The following SEMA3D variants were observed in gnomAD, a reference collection of about 807,000 sequenced individuals.
SEMA3D encodes semaphorin-3D.
Under a neutral mutation model 100.1 loss-of-function variants are expected in SEMA3D, and 84 were observed. That is an observed-to-expected ratio of 0.84 (90% CI 0.70 to 1.01). The LOEUF (loss-of-function observed/expected upper bound fraction) is 1.01, where lower values mean the gene tolerates loss of function less well. Among genes scored for constraint, SEMA3D ranks in the 50% least tolerant of loss-of-function variants. The pLI is 0.00. For synonymous variants in SEMA3D, 312 were observed against 320.7 expected (o/e 0.97, Z 0.29); for missense variants, 875 against 934.1 (o/e 0.94, Z 0.82).
intron 4 of SEMA3D, among the ~76,000 whole-genome samples, chr7:85,090,136 T>G (rs1228808589): frequency 6.6e-6 from 1 of 152,152 alleles, no homozygotes; most frequent in Admixed American, 6.5e-5. Context: ...GGAACATTGC[T>G]TTTTCTTCCT....
chr7:85,111,729 A>C (rs1789101408), intron 3 of SEMA3D, among the ~76,000 whole-genome samples: 1 of 152,006 alleles, frequency 6.6e-6, no homozygotes, highest in Admixed American at 6.6e-5. Context: ...TTCCCATAAT[A>C]CTCAGACTAA....
intron 11 of SEMA3D, among the ~76,000 whole-genome samples, chr7:85,040,177 A>G (rs1205264813): frequency 2.6e-5 from 4 of 151,604 alleles, no homozygotes; most frequent in Non-Finnish European, 5.9e-5. Flanking sequence ...ACTGGGTCTC[A>G]CTATGTTGTC....
At chr7:85,209,782 A>G in the SEMA3D span, among the ~76,000 whole-genome samples, 3 of 152,118 alleles carry the variant, frequency 2.0e-5, no homozygotes, top group Admixed American at 1.3e-4. Context: ...CTTAAGCTTG[A>G]AACACTTTAT....
rs1789501584 is a variant in SEMA3D, at chr7:84,996,408, T to C, written c.*3032A>G. ...TAGCCAACAGAATGATGAGACTTTA[T>C]GAATTTTAATTCTTCCACTACTGTT... On this transcript the variant is annotated 3_prime_UTR_variant, in exon 19 of 19. Transcript: ENST00000284136. The C allele has an allele frequency of 6.6e-6, 1 of 152,180 alleles. No individual in the cohort carries two copies. The highest frequency in any genetic ancestry group is 2.4e-5 in the African/African-American group (1 of 41,590). The allele number at this position is 152,180 out of a possible 1,614,324, so 9.4% of individuals were successfully genotyped here.
chr7:85,038,470 G>A (rs1790765442), intron 11 of SEMA3D, among the ~76,000 whole-genome samples: 2 of 152,098 alleles, frequency 1.3e-5, no homozygotes, highest in African/African-American at 4.8e-5. Flanking sequence ...GTTGGACAAA[G>A]GATATGACAT....
chr7:85,170,043 A>T (rs570191663), intron 1 of SEMA3D, among the ~76,000 whole-genome samples: 43 of 151,984 alleles, frequency 2.8e-4, no homozygotes, highest in Middle Eastern at 6.8e-3. Context: ...GGTTTTTAAA[A>T]AATAGAATAG....
intron 10 of SEMA3D, among the ~76,000 whole-genome samples, 157 bp from the exon 11 acceptor site, chr7:85,040,899 T>C (rs1790842077): frequency 6.6e-6 from 1 of 152,178 alleles, no homozygotes; most frequent in African/African-American, 2.4e-5. Context: ...GATTGTTTTT[T>C]CTCAATGACT....
chr7:85,004,378 T>C (rs953630187), intron 18 of SEMA3D, among the ~76,000 whole-genome samples: 2 of 152,144 alleles, frequency 1.3e-5, no homozygotes, highest in Non-Finnish European at 2.9e-5. Context: ...TTTTTTAAAA[T>C]GTTATTAAAA....
At chr7:85,156,355 C>G (rs1194714180) in intron 1 of SEMA3D, among the ~76,000 whole-genome samples, 1 of 152,068 alleles carries the variant, frequency 6.6e-6, no homozygotes, top group Non-Finnish European at 1.5e-5. Flanking sequence ...CCCCTTCGGC[C>G]TTCCAAAGTG....
chr7:85,234,632 G>A, the SEMA3D span, among the ~76,000 whole-genome samples: 1 of 152,116 alleles, frequency 6.6e-6, no homozygotes, highest in Admixed American at 6.5e-5. Flanking sequence ...GGATTATAAA[G>A]TGAAAACTTT....
At chr7:85,156,284 G>A (rs1562838507) in intron 1 of SEMA3D, among the ~76,000 whole-genome samples, 2 of 151,612 alleles carry the variant, frequency 1.3e-5, no homozygotes, top group South Asian at 2.1e-4. Context: ...TGTATTTTCA[G>A]TAGAGATGGG....
At chr7:85,162,974 T>C in intron 1 of SEMA3D, 3 of 781,848 alleles carry the variant, frequency 3.8e-6, no homozygotes, top group Non-Finnish European at 4.7e-6. Flanking sequence ...AGGCAGAGGT[T>C]TAGAGGCCGA....
At chr7:85,082,600 G>C (rs1788097442) in intron 4 of SEMA3D, among the ~76,000 whole-genome samples, 1 of 151,902 alleles carries the variant, frequency 6.6e-6, no homozygotes. Context: ...TTTAATAGGT[G>C]ACAAAAAAAG....
chr7:85,090,366 A>G (rs1199688460), intron 4 of SEMA3D, among the ~76,000 whole-genome samples: 1 of 152,164 alleles, frequency 6.6e-6, no homozygotes, highest in Non-Finnish European at 1.5e-5. Context: ...CAGCACATCC[A>G]TGAACGAGTC....
chr7:85,079,697 G>T (rs1332192109), intron 5 of SEMA3D, among the ~76,000 whole-genome samples: 1 of 152,152 alleles, frequency 6.6e-6, no homozygotes, highest in African/African-American at 2.4e-5. Flanking sequence ...TGCTCCATGG[G>T]AAAACCATTT....
intron 12 of SEMA3D, among the ~76,000 whole-genome samples, chr7:85,025,905 C>T (rs1002376936): frequency 6.6e-6 from 1 of 152,000 alleles, no homozygotes; most frequent in African/African-American, 2.4e-5. Context: ...GGTTCCCTTT[C>T]TCTTAAAGGA....
intron 10 of SEMA3D, 33 bp downstream of exon 10, chr7:85,042,138 C>A (rs1337247749): frequency 1.4e-6 from 2 of 1,381,658 alleles, no homozygotes; most frequent in Admixed American, 1.7e-5. Context: ...GGCAGTAAGG[C>A]CTTTCCAAGA....
At chr7:85,177,766 A>G (rs1791279892) in intron 1 of SEMA3D, among the ~76,000 whole-genome samples, 1 of 152,218 alleles carries the variant, frequency 6.6e-6, no homozygotes, top group South Asian at 2.1e-4. Context: ...TTATTATGAT[A>G]GTATTTATTA....
At chr7:85,041,525 G>A (rs1161256551) in intron 10 of SEMA3D, 1 of 151,932 alleles carries the variant, frequency 6.6e-6, no homozygotes, top group Non-Finnish European at 1.5e-5. Context: ...CTTTAAGTTG[G>A]AAAATACACA....
Sources: allele counts gnomAD v4.1 joint callset (sites outside exome capture counted in the v4.1 genomes callset), GRCh38; gene constraint gnomAD v4.1.1; transcripts MANE v1.5; gene names NCBI Gene and HGNC (gene_info 2026-07-23, HGNC 2026-07-21).